Variants in IL9R observed in about 807,000 individuals in gnomAD.
IL9R encodes interleukin 9 receptor.
IL9R carries 54 observed loss-of-function variants against 56.3 expected under a neutral mutation model. That is an observed-to-expected ratio of 0.96 (90% CI 0.77 to 1.20). The LOEUF is 1.20. IL9R is among the 50% of genes most tolerant of loss of function. IL9R has a pLI of 0.00. For synonymous variants in IL9R, 212 were observed against 250.2 expected (o/e 0.85, Z 1.44); for missense variants, 545 against 629.8 (o/e 0.87, Z 1.44).
At chrX:156,003,627 A>G in intron 3 of IL9R, 50 bp from the exon 4 acceptor site, 1 of 1,611,634 alleles carries the variant, frequency 6.2e-7, no homozygotes, top group Non-Finnish European at 8.5e-7. Flanking sequence ...TGAAGCAGCT[A>G]TGCCAGGACA....
Position 156,003,532 on chromosome X carries a change from G to T in IL9R, c.226G>T (p.Gly76Cys), listed in dbSNP as rs1389144887. ...CHWSAPELGQ[G>C]SSPWLLFTSN... Reference sequence around the variant, plus strand: ...CTGGTCTGCCCCAGAGCTGGGACAGGGCTCCAGCCCCTGGCTCCTCTTCAC... The same window carrying T: ...CTGGTCTGCCCCAGAGCTGGGACAGTGCTCCAGCCCCTGGCTCCTCTTCAC... The change falls in exon 3 of 9, where the codon GGC (glycine) becomes TGC (cysteine). Residue 76 changes from glycine (G) to cysteine (C), a missense_variant. Physicochemically the swap from Gly to Cys is radical, Grantham distance 159 (BLOSUM62 -3). This residue lies in a region of IL9R where 431 missense variants were observed against 360.0 expected (regional missense o/e 1.20). Transcript: ENST00000244174. 1 of 1,612,684 alleles carries T rather than the reference G, an allele frequency of 6.2e-7. No individual in the cohort carries two copies. Among genetic ancestry groups the T allele is most frequent in the Non-Finnish European group, 8.5e-7 (1 of 1,179,484 alleles).
intron 1 of IL9R, among the ~76,000 whole-genome samples, chrX:155,999,243 T>C (rs1332156933): frequency 6.6e-6 from 1 of 151,834 alleles, no homozygotes. Context: ...CCTACTCCCC[T>C]CTGCCCTGGG....
At chrX:156,008,773 G>A (rs1227956507) in intron 8 of IL9R, among the ~76,000 whole-genome samples, 4 of 152,344 alleles carry the variant, frequency 2.6e-5, no homozygotes, top group South Asian at 2.1e-4. Context: ...TTTTGGAGGC[G>A]GGGGCCTCCT....
At chrX:156,009,326 C>CTG (rs1399403207) in intron 8 of IL9R, among the ~76,000 whole-genome samples, 1 of 125,200 alleles carries the variant, frequency 8.0e-6, no homozygotes, top group African/African-American at 3.2e-5. Flanking sequence ...GTGTTTATGT[C>CTG]TGTGTGTGTT....
Position 156,010,169 on chromosome X carries a change from C to T in IL9R, c.1326C>T (p.Asn442=). The T allele has an allele frequency of 2.6e-6, 4 of 1,526,424 alleles. No homozygotes were observed. The highest frequency in any genetic ancestry group is 3.5e-6 in the Non-Finnish European group (4 of 1,154,736). The allele number at this position is 1,526,424 out of a possible 1,614,324, so 94.6% of individuals were successfully genotyped here. Residue 442 remains asparagine, a synonymous_variant, in exon 9 of 9, where the codon AAC becomes AAT. Coordinates refer to ENST00000244174, the MANE Select transcript of IL9R (RefSeq NM_002186.3). ...SSSSSSSNNN[N]YCALGCYGGW... ...GCAGCAGCAGCAGCAACAACAACAA[C>T]TACTGTGCCTTGGGCTGCTATGGGG...
rs764877593 is a variant in IL9R, at chrX:156,005,344, C to G, written c.646C>G (p.Pro216Ala). The stretch of plus-strand genomic sequence containing the variant: ...TATACTTGAAGCCTTTGAGCTGGAC[C>G]CTGGCTTTATCCATGAGGCCAGGCT... Reference protein sequence around the residue: ...WLILEAFELDPGFIHEARLRV... With the variant: ...WLILEAFELDAGFIHEARLRV... Residue 216 changes from proline (P) to alanine (A), a missense_variant, in exon 6 of 9, where the codon CCT becomes GCT. Transcript: ENST00000244174. The G allele has an allele frequency of 5.6e-6, 9 of 1,612,404 alleles. No homozygotes were observed. Among genetic ancestry groups the G allele is most frequent in the Non-Finnish European group, 7.6e-6 (9 of 1,179,802 alleles).
At position 156,006,188 on chromosome X, in the gene IL9R, G is replaced by A. The variant is rs776546795; in HGVS notation, c.887G>A (p.Arg296Lys). Residue 296 changes from arginine to lysine, a missense_variant and splice_region_variant, in exon 7 of 9, where the codon AGG (arginine) becomes AAG (lysine). Transcript: ENST00000244174. ...PTYLLFKLSP[R>K]VKRIFYQNVP... ...TACCTCCTGTTCAAGCTGTCGCCCA[G>A]GTAGGTGGCTGATGTGTGCGTGTGT... The A allele has an allele frequency of 3.3e-6, 4 of 1,198,980 alleles. No individual in the cohort carries two copies. In the South Asian group the frequency reaches 4.9e-5, roughly 15 times the overall value. The allele number at this position is 1,198,980 out of a possible 1,614,324, so 74.3% of individuals were successfully genotyped here.
chrX:155,999,288 C>T (rs1212149688), intron 1 of IL9R, among the ~76,000 whole-genome samples: 3 of 152,114 alleles, frequency 2.0e-5, no homozygotes, highest in South Asian at 4.1e-4. Flanking sequence ...CTCTGCAGTG[C>T]CAAGTCCAGC....
intron 1 of IL9R, among the ~76,000 whole-genome samples, chrX:156,002,548 G>T (rs1209167538): frequency 6.6e-6 from 1 of 152,200 alleles, no homozygotes; most frequent in Non-Finnish European, 1.5e-5. Context: ...GCAGGATGGG[G>T]CCTGGGCCCG....
rs180806094 is a variant in IL9R at position 156,003,366 on chromosome X, C to A, written c.143-83C>A. ...ACTGGTGACTGCCCTGCTAGGGTGT[C>A]AGCTGTCAGATCCTCCCCAACCCCC... On this transcript the variant is annotated intron_variant, in intron 2 of 8. Coordinates refer to ENST00000244174, the MANE Select transcript of IL9R (RefSeq NM_002186.3). 6.6e-4 allele frequency: 635 copies of A among 955,346 alleles called. 2 individuals carry two copies. In the African/African-American group the frequency reaches 8.9e-3, roughly 13 times the overall value. 59.2% of individuals were successfully genotyped at this position (955,346 alleles called of 1,614,324 possible). A position where few individuals can be genotyped will look rare whatever the true frequency, so the allele number is the denominator to read the frequency against.
At chrX:156,004,221 T>G in intron 4 of IL9R, 199 bp from the exon 5 acceptor site, 1 of 613,466 alleles carries the variant, frequency 1.6e-6, no homozygotes, top group Non-Finnish European at 2.9e-6. Flanking sequence ...CCACCTAGTC[T>G]AGGTGCAGAG....
intron 6 of IL9R, 61 bp downstream of exon 6, chrX:156,005,540 G>GTTCAC: frequency 1.4e-6 from 2 of 1,407,928 alleles, no homozygotes; most frequent in Non-Finnish European, 2.0e-6. Context: ...CTTCTCCCCT[G>GTTCAC]TTCACCTCAG....
chrX:156,003,067 G>T, intron 2 of IL9R, 48 bp downstream of exon 2: 2 of 1,610,774 alleles, frequency 1.2e-6, no homozygotes, highest in Non-Finnish European at 1.7e-6. Flanking sequence ...GAGAACTAGG[G>T]CATGTTTGGG....
chrX:155,997,715 T>A lies in IL9R; in HGVS notation c.-45T>A. ...GTCTTTGCTGTGCACCCAGAGATAGTTGGGTGACAAATCACCTCCAGGTTG... is the reference window on the plus strand; with the variant it reads ...GTCTTTGCTGTGCACCCAGAGATAGATGGGTGACAAATCACCTCCAGGTTG... On this transcript the variant is annotated 5_prime_UTR_variant, in exon 1 of 9. In the 5' UTR this introduces an upstream ATG that the reference lacks. Transcript: ENST00000244174. 6.2e-7 allele frequency: 1 copy of A among 1,600,618 alleles called. No homozygotes were observed. Among genetic ancestry groups the A allele is most frequent in the Non-Finnish European group, 8.6e-7 (1 of 1,167,646 alleles).
In IL9R at chrX:156,005,499, C is replaced by A. The variant is rs776478471; in HGVS notation, c.781+20C>A. On this transcript the variant is annotated intron_variant, in intron 6 of 8. Transcript: ENST00000244174. ...GACAAGGTGGGCACTGCTGTGGCTG[C>A]TGCACTTCCAGCGGAGTCTGGGCTG... 13 of 1,604,652 alleles carry A rather than the reference C, an allele frequency of 8.1e-6. No individual in the cohort carries two copies. The Admixed American group carries it at 2.0e-4, about 25-fold the overall frequency.
At position 156,005,377 on chromosome X, in the gene IL9R, C is replaced by A. The variant is rs775079091; in HGVS notation, c.679C>A (p.Gln227Lys). 3.7e-6 allele frequency: 6 copies of A among 1,612,868 alleles called. No individual in the cohort carries two copies. The African/African-American group carries it at 6.7e-5, about 18-fold the overall frequency. ...GFIHEARLRV[Q>K]MATLEDDVVE... ...TATCCATGAGGCCAGGCTGCGTGTCCAGATGGCCACACTGGAGGATGATGT... is the reference window on the plus strand; with the variant it reads ...TATCCATGAGGCCAGGCTGCGTGTCAAGATGGCCACACTGGAGGATGATGT... Residue 227 changes from glutamine to lysine, a missense_variant, in exon 6 of 9, where the codon CAG (glutamine) becomes AAG (lysine). Coordinates refer to ENST00000244174, the MANE Select transcript of IL9R (RefSeq NM_002186.3).
chrX:155,997,884 C>G (rs1261815539), intron 1 of IL9R, 97 bp downstream of exon 1: 1 of 1,182,500 alleles, frequency 8.5e-7, no homozygotes, highest in African/African-American at 1.5e-5. Context: ...GCCCAGGGAG[C>G]CACTGTGGCA....
At chrX:156,011,297 C>A (rs1349816621), downstream of IL9R, among the ~76,000 whole-genome samples, 12 of 99,040 alleles carry the variant, frequency 1.2e-4, 5 homozygotes, top group Non-Finnish European at 2.1e-4. Flanking sequence ...TGTTGTCTCA[C>A]AATTCTGAAG....
chrX:156,009,248 G>GTGTGTTTGTGTGTGTA (rs1569479052), intron 8 of IL9R, among the ~76,000 whole-genome samples: 25 of 94,940 alleles, frequency 2.6e-4, no homozygotes, highest in Admixed American at 6.8e-4. Context: ...TGTGGTGTGT[G>GTGTGTTTGTGTGTGTA]TGTCTGTGTG....
Sources: allele counts gnomAD v4.1 joint callset (sites outside exome capture counted in the v4.1 genomes callset), GRCh38; gene constraint gnomAD v4.1.1; regional missense constraint gnomAD v4.1.1; transcripts MANE v1.5; gene names NCBI Gene and HGNC (gene_info 2026-07-23, HGNC 2026-07-21).